The following CSTF3 variants were observed in gnomAD, a reference collection of about 807,000 sequenced individuals.
CSTF3 encodes CF-1 77 kDa subunit.
CSTF3 carries 29 observed loss-of-function variants against 105.8 expected under a neutral mutation model. The observed-to-expected ratio is 0.27, with a 90% CI of 0.20 to 0.37. CSTF3 has a LOEUF of 0.37. CSTF3 is among the 10% of genes least tolerant of loss of function. The probability of loss-of-function intolerance (pLI) is 1.00; values close to 1 mark genes in which losing one functional copy is unlikely to be tolerated. For missense variants in CSTF3, 357 were observed against 879.3 expected (o/e 0.41, Z 7.51); for synonymous variants, 252 against 281.9 (o/e 0.89, Z 1.06).
At chr11:33,093,887 T>C (rs1855193661) in intron 15 of CSTF3, among the ~76,000 whole-genome samples, 1 of 152,144 alleles carries the variant, frequency 6.6e-6, no homozygotes, top group Non-Finnish European at 1.5e-5. Flanking sequence ...TTTATATTTT[T>C]AGTAGAGACG....
chr11:33,135,682 T>C (rs1855646056), intron 3 of CSTF3, among the ~76,000 whole-genome samples: 1 of 152,168 alleles, frequency 6.6e-6, no homozygotes, highest in Non-Finnish European at 1.5e-5. Flanking sequence ...TTCAACTATA[T>C]GTAAAATGTA....
At chr11:33,085,324 T>G in intron 20 of CSTF3, 35 bp from the exon 21 acceptor site, 2 of 1,479,174 alleles carry the variant, frequency 1.4e-6, no homozygotes, top group Non-Finnish European at 1.8e-6. Context: ...TAAAAACATA[T>G]TCCACTATGA....
At chr11:33,088,199 C>T (rs1855127416) in intron 17 of CSTF3, among the ~76,000 whole-genome samples, 1 of 147,054 alleles carries the variant, frequency 6.8e-6, no homozygotes, top group Non-Finnish European at 1.5e-5. Context: ...GCACATTAAT[C>T]CTTCCCCAAA....
In CSTF3 at chr11:33,106,110, A is replaced by G. The variant is rs773845017; in HGVS notation, c.357-46T>C. ...GTGGTTTTTAAATTTTTTTGTTATT[A>G]AAATTTATCTACAATTAGGCCAGAC... is the stretch of plus-strand genomic sequence containing the variant. On this transcript the variant is annotated intron_variant, in intron 5 of 20. Coordinates refer to ENST00000323959, the MANE Select transcript of CSTF3 (RefSeq NM_001326.3). 24 of 1,458,478 alleles carry G rather than the reference A, an allele frequency of 1.6e-5. No individual in the cohort carries two copies. In the East Asian group the frequency reaches 5.2e-4, roughly 32 times the overall value. 90.3% of individuals were successfully genotyped at this position (1,458,478 alleles called of 1,614,324 possible).
At chr11:33,100,013 C>T (rs1374641513) in intron 10 of CSTF3, among the ~76,000 whole-genome samples, 1 of 152,096 alleles carries the variant, frequency 6.6e-6, no homozygotes, top group Admixed American at 6.5e-5. Flanking sequence ...CCTGCCTCAG[C>T]CTCCCAAGTA....
chr11:33,125,869 C>G (rs1396260965), intron 3 of CSTF3, among the ~76,000 whole-genome samples: 3 of 152,090 alleles, frequency 2.0e-5, no homozygotes, highest in Non-Finnish European at 4.4e-5. Context: ...TTCTCCCTCC[C>G]CAGTCCATTA....
At position 33,107,429 on chromosome 11, in the gene CSTF3, A is replaced by G. The variant is rs573229796; in HGVS notation, c.356+474T>C. On this transcript the variant is annotated intron_variant, in intron 5 of 20. Transcript: ENST00000323959. ...TTACATAGAAAAATGGCACCTCAGA[A>G]GAAGGTCCATTATTTAGATTTGGCA... Among the ~76,000 whole-genome samples the G allele has an allele frequency of 9.8e-5, 15 of 152,324 alleles. 1 individual carries two copies. The South Asian group carries it at 1.0e-3, about 11-fold the overall frequency.
At chr11:33,141,807 T>C (rs760630492) in intron 2 of CSTF3, 45 bp from the exon 3 acceptor site, 3 of 1,576,020 alleles carry the variant, frequency 1.9e-6, no homozygotes, top group East Asian at 4.5e-5. Flanking sequence ...GTTAGGATTA[T>C]GAAAATATTA....
chr11:33,125,805 G>A (rs1190598160), intron 3 of CSTF3, among the ~76,000 whole-genome samples: 2 of 152,164 alleles, frequency 1.3e-5, no homozygotes, highest in Non-Finnish European at 2.9e-5. Context: ...TTTGGCAGTT[G>A]CTTTCAGGGC....
At chr11:33,111,023 G>T (rs796375042) in intron 3 of CSTF3, among the ~76,000 whole-genome samples, 1 of 152,276 alleles carries the variant, frequency 6.6e-6, no homozygotes, top group African/African-American at 2.4e-5. Flanking sequence ...AAGGTCAGGA[G>T]TTCGAGACCA....
At chr11:33,090,118 A>G (rs1855152135) in intron 17 of CSTF3, among the ~76,000 whole-genome samples, 1 of 152,256 alleles carries the variant, frequency 6.6e-6, no homozygotes, top group African/African-American at 2.4e-5. Flanking sequence ...TATATCTTAC[A>G]AAATATGCAA....
At chr11:33,088,690 A>AT (rs1267262327) in intron 17 of CSTF3, among the ~76,000 whole-genome samples, 1 of 151,908 alleles carries the variant, frequency 6.6e-6, no homozygotes. Flanking sequence ...ACGGCTCACT[A>AT]AAGTAGGCTC....
intron 8 of CSTF3, 48 bp from the exon 9 acceptor site, chr11:33,103,232 A>G (rs1855296378): frequency 1.4e-5 from 12 of 831,254 alleles, no homozygotes; most frequent in Non-Finnish European, 2.2e-5. Flanking sequence ...TTTCTTAAAA[A>G]TTAGTACAAT....
At chr11:33,120,099 A>G (rs1855471933) in intron 3 of CSTF3, among the ~76,000 whole-genome samples, 1 of 151,946 alleles carries the variant, frequency 6.6e-6, no homozygotes, top group Admixed American at 6.5e-5. Flanking sequence ...ATGACTATGT[A>G]AAAATATTGA....
At chr11:33,095,426 C>T (rs1855209815) in intron 15 of CSTF3, among the ~76,000 whole-genome samples, 1 of 152,156 alleles carries the variant, frequency 6.6e-6, no homozygotes, top group South Asian at 2.1e-4. Context: ...CTGTTGTTAA[C>T]TAGACTAAAT....
intron 1 of CSTF3, among the ~76,000 whole-genome samples, chr11:33,146,131 G>C (rs192107985): frequency 6.6e-5 from 10 of 151,332 alleles, no homozygotes; most frequent in Non-Finnish European, 1.3e-4. Flanking sequence ...CCAGCTACTC[G>C]GGAGGCTGAG....
At chr11:33,118,582 A>C (rs1855457021) in intron 3 of CSTF3, among the ~76,000 whole-genome samples, 1 of 151,674 alleles carries the variant, frequency 6.6e-6, no homozygotes, top group African/African-American at 2.4e-5. Context: ...TGGTTTTGCT[A>C]CTCTACCTCC....
chr11:33,141,340 A>T, intron 3 of CSTF3: 1 of 580,036 alleles, frequency 1.7e-6, no homozygotes, highest in Non-Finnish European at 2.3e-6. Context: ...GTTTGTAAGT[A>T]GGAATAAAAA....
intron 1 of CSTF3, 140 bp from the exon 2 acceptor site, chr11:33,142,126 T>C: frequency 2.8e-6 from 4 of 1,423,750 alleles, no homozygotes; most frequent in Middle Eastern, 2.0e-4. Flanking sequence ...GAGAAGTGTG[T>C]TTCCTAGAAC....
Sources: gnomAD v4.1 joint callset for allele counts (sites outside exome capture counted in the v4.1 genomes callset) on GRCh38, gnomAD v4.1.1 for gene constraint, MANE v1.5 for transcripts, NCBI Gene and HGNC (gene_info 2026-07-23, HGNC 2026-07-21) for gene names.